The following HTR4 variants were observed in gnomAD, a reference collection of about 807,000 sequenced individuals.
HTR4 encodes the protein 5-hydroxytryptamine receptor 4.
HTR4 carries 16 observed loss-of-function variants against 36.8 expected under a neutral mutation model. The observed-to-expected ratio is 0.43, with a 90% CI of 0.29 to 0.66. The LOEUF is 0.66. HTR4 is among the 30% of genes least tolerant of loss of function. The pLI, the probability that HTR4 is intolerant of heterozygous loss-of-function variation, is 0.13. For missense variants in HTR4, 438 were observed against 490.9 expected, an observed-to-expected ratio of 0.89 and a Z score of 1.02; for synonymous variants, 189 against 185.1, an observed-to-expected ratio of 1.02 and a Z score of -0.17.
At chr5:148,465,985 GA>G in intron 5 of HTR4, 2 of 1,561,216 alleles carry the variant, frequency 1.3e-6, no homozygotes, top group Admixed American at 4.2e-5. Context: ...ATTTGGGAAA[GA>G]AAAAAGAAAA....
intron 2 of HTR4, among the ~76,000 whole-genome samples, chr5:148,613,929 C>T (rs1453515909): frequency 1.3e-5 from 2 of 152,114 alleles, no homozygotes; most frequent in African/African-American, 4.8e-5. Context: ...CTCCCATTCA[C>T]AATTGCTTCA....
intron 2 of HTR4, 85 bp from the exon 3 acceptor site, chr5:148,550,347 G>T: frequency 1.3e-6 from 2 of 1,499,246 alleles, no homozygotes; most frequent in Non-Finnish European, 1.8e-6. Flanking sequence ...TTGACCTTCA[G>T]AAAGGTAACT....
At chr5:148,559,289 G>A (rs111349183) in intron 2 of HTR4, among the ~76,000 whole-genome samples, 2 of 152,174 alleles carry the variant, frequency 1.3e-5, no homozygotes, top group African/African-American at 4.8e-5. Context: ...AAACCATCAT[G>A]TCGGGGACCA....
chr5:148,556,616 T>C (rs1244496058), intron 2 of HTR4, among the ~76,000 whole-genome samples: 2 of 152,054 alleles, frequency 1.3e-5, no homozygotes, highest in African/African-American at 4.8e-5. Context: ...ATAAATACAG[T>C]TTGTGATCAG....
chr5:148,571,598 T>C (rs1760680132), intron 2 of HTR4, among the ~76,000 whole-genome samples: 1 of 152,056 alleles, frequency 6.6e-6, no homozygotes, highest in Non-Finnish European at 1.5e-5. Flanking sequence ...TAGCAGTTGA[T>C]CTGGGGTGAT....
At chr5:148,630,090 C>T (rs931835356) in intron 2 of HTR4, 8 of 152,202 alleles carry the variant, frequency 5.3e-5, no homozygotes, top group African/African-American at 1.9e-4. Flanking sequence ...CAAGGAGGAT[C>T]ATGAGGCTTC....
At chr5:148,467,964 T>C (rs1755470848) in intron 5 of HTR4, among the ~76,000 whole-genome samples, 1 of 152,164 alleles carries the variant, frequency 6.6e-6, no homozygotes, top group African/African-American at 2.4e-5. Context: ...TCCCAGACAA[T>C]GTAGAAAACT....
downstream of HTR4, among the ~76,000 whole-genome samples, chr5:148,471,691 G>T (rs1042433997): frequency 6.6e-6 from 1 of 152,120 alleles, no homozygotes; most frequent in Non-Finnish European, 1.5e-5. Flanking sequence ...CACTATTGTT[G>T]TATCCACCAA....
At chr5:148,609,964 A>G (rs1414785586) in intron 2 of HTR4, among the ~76,000 whole-genome samples, 1 of 152,200 alleles carries the variant, frequency 6.6e-6, no homozygotes, top group Non-Finnish European at 1.5e-5. Context: ...ACTCCAGAGA[A>G]GAATAAATTA....
intron 1 of HTR4, among the ~76,000 whole-genome samples, chr5:148,638,490 A>G (rs1228723867): frequency 6.6e-6 from 1 of 152,228 alleles, no homozygotes; most frequent in Non-Finnish European, 1.5e-5. Flanking sequence ...CAGTACAATT[A>G]CAATACTATT....
chr5:148,474,031 G>A (rs938832941), downstream of HTR4, among the ~76,000 whole-genome samples: 1 of 151,962 alleles, frequency 6.6e-6, no homozygotes, highest in South Asian at 2.1e-4. Flanking sequence ...GTTCTGTGCT[G>A]AGGAGAGGAG....
In HTR4 at chr5:148,527,810, C is replaced by T. The variant is rs149229170; in HGVS notation, c.354-4464G>A. Among the ~76,000 whole-genome samples, 17 of 152,234 alleles carry T rather than the reference C, an allele frequency of 1.1e-4. No individual in the cohort carries two copies. In the East Asian group the frequency reaches 1.5e-3, roughly 14 times the overall value. ...TATATTTTTAGCAGGGACAGGGTTT[C>T]GCTATGTTGGCTAGGCTTGTCTCAA... On this transcript the variant is annotated intron_variant, in intron 4 of 6. Coordinates refer to ENST00000377888, the MANE Select transcript of HTR4 (RefSeq NM_000870.7).
intron 2 of HTR4, among the ~76,000 whole-genome samples, chr5:148,595,102 T>A (rs1761718762): frequency 6.6e-6 from 1 of 150,958 alleles, no homozygotes; most frequent in African/African-American, 2.4e-5. Flanking sequence ...TTTAACCAAA[T>A]GGGATTATAC....
At chr5:148,506,648 A>G (rs1757231001) in intron 6 of HTR4, among the ~76,000 whole-genome samples, 1 of 152,210 alleles carries the variant, frequency 6.6e-6, no homozygotes, top group Non-Finnish European at 1.5e-5. Context: ...AATATCCAGA[A>G]TCTACAAAGA....
At chr5:148,531,836 A>G (rs527868478) in intron 4 of HTR4, among the ~76,000 whole-genome samples, 2 of 152,252 alleles carry the variant, frequency 1.3e-5, no homozygotes, top group East Asian at 1.9e-4. Flanking sequence ...TATTTTCTGC[A>G]GGTAAAAAAT....
chr5:148,486,201 G>T (rs2113725204), intron 6 of HTR4, among the ~76,000 whole-genome samples: 1 of 152,250 alleles, frequency 6.6e-6, no homozygotes, highest in African/African-American at 2.4e-5. Context: ...CATAGCCGCA[G>T]TTCTCATTGT....
Position 148,541,635 on chromosome 5 carries a change from G to A in HTR4, c.353+7033C>T, listed in dbSNP as rs536682702. On this transcript the variant is annotated intron_variant, in intron 4 of 6. Transcript: ENST00000377888. The stretch of plus-strand genomic sequence containing the variant: ...GCCAGAAAAATAAAAGAAACCCAAG[G>A]CACAGGTAGCAACATGCAGTTATGA... 1.2e-4 allele frequency among the ~76,000 whole-genome samples: 18 copies of A among 152,230 alleles called. No homozygotes were observed. In the East Asian group the frequency reaches 3.1e-3, roughly 26 times the overall value.
At position 148,509,570 on chromosome 5, in the gene HTR4, C is replaced by T. The variant is rs199912477; in HGVS notation, c.962G>A (p.Arg321His). Residue 321 changes from arginine (R) to histidine (H), a missense_variant, in exon 6 of 7, where the codon CGT (arginine) becomes CAT (histidine). Transcript: ENST00000377888. ...ACAGCAGAGGATGATGAGGAAGGCA[C>T]GTCTAAAAGACTTATTCAAGAAGGC... The part of the protein sequence containing the change: ...LYAFLNKSFR[R>H]AFLIILCCDD... 1.5e-5 allele frequency: 25 copies of T among 1,613,862 alleles called. No individual in the cohort carries two copies. The highest frequency in any genetic ancestry group is 2.7e-5 in the African/African-American group (2 of 74,890).
At chr5:148,541,928 G>A (rs1039170590) in intron 4 of HTR4, among the ~76,000 whole-genome samples, 4 of 151,948 alleles carry the variant, frequency 2.6e-5, no homozygotes, top group Admixed American at 6.6e-5. Context: ...ACCCTGCTTT[G>A]GAGATTGCAA....
Sources: allele counts gnomAD v4.1 joint callset (sites outside exome capture counted in the v4.1 genomes callset), GRCh38; gene constraint gnomAD v4.1.1; transcripts MANE v1.5; gene names NCBI Gene and HGNC (gene_info 2026-07-23, HGNC 2026-07-21).